Variants in SLCO1B1 observed in about 807,000 individuals in gnomAD.
SLCO1B1 encodes the protein solute carrier organic anion transporter family member 1B1, also known as OATP-2.
Under a neutral mutation model 70.1 loss-of-function variants are expected in SLCO1B1, and 81 were observed. The ratio of observed to expected loss-of-function variants is 1.16; its 90% confidence interval spans 0.97 to 1.39. The LOEUF is 1.39. Among genes scored for constraint, SLCO1B1 ranks in the 40% most tolerant of loss-of-function variants. The pLI, the probability that SLCO1B1 is intolerant of heterozygous loss-of-function variation, is 0.00. For missense variants in SLCO1B1, 895 were observed against 799.6 expected (o/e 1.12, Z -1.44); for synonymous variants, 283 against 271.5 (o/e 1.04, Z -0.42).
Position 21,157,422 on chromosome 12 carries a change from A to G in SLCO1B1, c.85-15228A>G, listed in dbSNP as rs376042103. ...AGTAAAATGTACTCCTATCTTGTGT[A>G]TTAAGTTTATAATCATACATTCAAT... On this transcript the variant is annotated intron_variant, in intron 2 of 14. Transcript: ENST00000256958. Among the ~76,000 whole-genome samples, 13 of 152,274 alleles carry G rather than the reference A, an allele frequency of 8.5e-5. No individual in the cohort carries two copies. In the East Asian group the frequency reaches 1.9e-3, roughly 23 times the overall value.
At chr12:21,137,378 G>A (rs1371803922) in intron 1 of SLCO1B1, among the ~76,000 whole-genome samples, 1 of 152,192 alleles carries the variant, frequency 6.6e-6, no homozygotes, top group Non-Finnish European at 1.5e-5. Context: ...GGACATTTAA[G>A]TCTGCAGAGG....
intron 9 of SLCO1B1, among the ~76,000 whole-genome samples, chr12:21,201,686 A>T (rs1941159862): frequency 6.6e-6 from 1 of 152,168 alleles, no homozygotes; most frequent in African/African-American, 2.4e-5. Context: ...AGGCAGAAAG[A>T]TGGTGTTTTG....
intron 1 of SLCO1B1, among the ~76,000 whole-genome samples, chr12:21,134,244 A>G (rs530442833): frequency 6.6e-6 from 1 of 152,288 alleles, no homozygotes; most frequent in South Asian, 2.1e-4. Context: ...CCAGTATTTT[A>G]TTGAGGATTT....
chr12:21,215,247 C>G (rs1424895593), intron 11 of SLCO1B1, among the ~76,000 whole-genome samples: 1 of 152,138 alleles, frequency 6.6e-6, no homozygotes, highest in Non-Finnish European at 1.5e-5. Context: ...GGCATTCATG[C>G]TTTGCTCCTG....
intron 2 of SLCO1B1, among the ~76,000 whole-genome samples, chr12:21,167,305 G>C (rs148581753): frequency 2.9e-4 from 44 of 152,274 alleles, no homozygotes; most frequent in African/African-American, 1.0e-3. Flanking sequence ...ATTTAGCTGA[G>C]TATAAAAGAA....
At chr12:21,132,722 T>G (rs1158900667) in intron 1 of SLCO1B1, among the ~76,000 whole-genome samples, 1 of 152,126 alleles carries the variant, frequency 6.6e-6, no homozygotes, top group Admixed American at 6.5e-5. Context: ...ATTGTAGATT[T>G]TGGGTATTAG....
intron 1 of SLCO1B1, among the ~76,000 whole-genome samples, chr12:21,135,489 AAGG>A (rs1284848661): frequency 1.3e-5 from 2 of 152,144 alleles, no homozygotes; most frequent in African/African-American, 4.8e-5. Flanking sequence ...GTAGGTCACT[AAGG>A]ACTTGCTTTA....
At chr12:21,183,779 A>T (rs1319682900) in intron 7 of SLCO1B1, among the ~76,000 whole-genome samples, 1 of 152,214 alleles carries the variant, frequency 6.6e-6, no homozygotes, top group Non-Finnish European at 1.5e-5. Context: ...CAGACAGGCA[A>T]TTCGGAATCT....
intron 1 of SLCO1B1, among the ~76,000 whole-genome samples, chr12:21,138,827 C>T (rs1165782117): frequency 1.3e-5 from 2 of 152,096 alleles, no homozygotes; most frequent in Non-Finnish European, 2.9e-5. Context: ...AGAAAGCTTT[C>T]TTCTTGGGAC....
At chr12:21,158,091 T>C (rs11045799) in intron 2 of SLCO1B1, among the ~76,000 whole-genome samples, 20,092 of 152,216 alleles carry the variant, frequency 0.13, 1,802 homozygotes, top group Middle Eastern at 0.23. Context: ...ATTTTAAAAA[T>C]GAAATTCTCT....
intron 14 of SLCO1B1, among the ~76,000 whole-genome samples, chr12:21,232,583 A>G (rs2121205695): frequency 1.3e-5 from 2 of 152,304 alleles, no homozygotes; most frequent in East Asian, 3.9e-4. Context: ...CCTCTCCATT[A>G]CAGAACAACA....
At chr12:21,196,485 A>C (rs1941093142) in intron 7 of SLCO1B1, among the ~76,000 whole-genome samples, 1 of 152,130 alleles carries the variant, frequency 6.6e-6, no homozygotes, top group South Asian at 2.1e-4. Context: ...GGAAATGCTT[A>C]TTTCAGGCAT....
chr12:21,176,036 A>G (rs1164812915), intron 4 of SLCO1B1, among the ~76,000 whole-genome samples: 1 of 151,936 alleles, frequency 6.6e-6, no homozygotes, highest in Non-Finnish European at 1.5e-5. Context: ...TCTCATGTTG[A>G]TGTCTTCTCT....
intron 3 of SLCO1B1, among the ~76,000 whole-genome samples, chr12:21,174,181 T>G (rs1018118807): frequency 6.6e-6 from 1 of 152,166 alleles, no homozygotes; most frequent in Non-Finnish European, 1.5e-5. Context: ...TCAAGTAACT[T>G]TCTTATTTCT....
At chr12:21,149,035 G>A (rs987855398) in intron 2 of SLCO1B1, among the ~76,000 whole-genome samples, 1 of 151,916 alleles carries the variant, frequency 6.6e-6, no homozygotes, top group Non-Finnish European at 1.5e-5. Flanking sequence ...GTCTATTATT[G>A]GTGTATAGGA....
chr12:21,160,027 A>T (rs1591803560), intron 2 of SLCO1B1, among the ~76,000 whole-genome samples: 1 of 152,016 alleles, frequency 6.6e-6, no homozygotes, highest in African/African-American at 2.4e-5. Context: ...CAATATAATT[A>T]AAATGGTCAT....
intron 2 of SLCO1B1, among the ~76,000 whole-genome samples, chr12:21,154,231 A>G (rs1940510898): frequency 6.6e-6 from 1 of 152,090 alleles, no homozygotes; most frequent in Non-Finnish European, 1.5e-5. Context: ...TCGAGTCATA[A>G]TCACCAAGGT....
At chr12:21,212,783 T>A (rs955301316) in intron 11 of SLCO1B1, among the ~76,000 whole-genome samples, 1 of 149,190 alleles carries the variant, frequency 6.7e-6, no homozygotes, top group South Asian at 2.2e-4. Context: ...GATAGTTAGC[T>A]CTTCTTGTTG....
At chr12:21,206,894 A>C (rs909391284) in intron 11 of SLCO1B1, among the ~76,000 whole-genome samples, 1 of 151,946 alleles carries the variant, frequency 6.6e-6, no homozygotes, top group African/African-American at 2.4e-5. Context: ...ATTTTTAAAC[A>C]TTCTCCATCT....
Sources: allele counts gnomAD v4.1 joint callset (sites outside exome capture counted in the v4.1 genomes callset), GRCh38; gene constraint gnomAD v4.1.1; transcripts MANE v1.5; gene names NCBI Gene and HGNC (gene_info 2026-07-23, HGNC 2026-07-21).